The following SPMIP11 variants were observed in gnomAD, a reference collection of about 807,000 sequenced individuals.
SPMIP11 encodes the protein long intergenic non-protein coding RNA 935.
At chr12:48,753,000 A>G in the SPMIP11 span, among the ~76,000 whole-genome samples, 1 of 152,020 alleles carries the variant, frequency 6.6e-6, no homozygotes, top group Non-Finnish European at 1.5e-5. Context: ...TTCATACCTG[A>G]CACTCCTCTT....
chr12:48,729,210 G>T, the SPMIP11 span, among the ~76,000 whole-genome samples: 3 of 151,702 alleles, frequency 2.0e-5, 1 homozygote, highest in Non-Finnish European at 4.4e-5. Flanking sequence ...GACCATCCTG[G>T]CCAACATGGT....
the SPMIP11 span, among the ~76,000 whole-genome samples, chr12:48,733,510 C>A: frequency 6.6e-6 from 1 of 152,286 alleles, no homozygotes; most frequent in South Asian, 2.1e-4. Flanking sequence ...CCAAAGTAAA[C>A]AATTTACAAA....
chr12:48,759,689 G>A, the SPMIP11 span, among the ~76,000 whole-genome samples: 2 of 151,622 alleles, frequency 1.3e-5, no homozygotes, highest in Non-Finnish European at 2.9e-5. Flanking sequence ...AAAAAGAATG[G>A]CTGGGATGTG....
the SPMIP11 span, chr12:48,766,364 G>C: frequency 6.6e-6 from 1 of 152,660 alleles, no homozygotes; most frequent in Non-Finnish European, 1.5e-5. Flanking sequence ...GACAATGGTA[G>C]CCCAGGGGAA....
chr12:48,751,426 C>T, the SPMIP11 span, among the ~76,000 whole-genome samples: 1 of 152,008 alleles, frequency 6.6e-6, no homozygotes, highest in African/African-American at 2.4e-5. Flanking sequence ...CCAGCCTGGG[C>T]AATACAGTGG....
the SPMIP11 span, among the ~76,000 whole-genome samples, chr12:48,758,093 A>G: frequency 1.3e-5 from 2 of 152,152 alleles, no homozygotes; most frequent in East Asian, 1.9e-4. Flanking sequence ...GCTTGAGCCC[A>G]TAAGTTCAAG....
the SPMIP11 span, chr12:48,766,751 C>A: frequency 6.6e-6 from 1 of 152,604 alleles, no homozygotes; most frequent in African/African-American, 2.4e-5. Flanking sequence ...CCTGCCCCTT[C>A]CACTCCCAAA....
At chr12:48,760,968 T>C in the SPMIP11 span, among the ~76,000 whole-genome samples, 116 of 152,374 alleles carry the variant, frequency 7.6e-4, no homozygotes, top group African/African-American at 2.3e-3. Flanking sequence ...GCACAAGCTT[T>C]GGCATTTTAT....
At chr12:48,759,495 T>G in the SPMIP11 span, among the ~76,000 whole-genome samples, 1 of 152,048 alleles carries the variant, frequency 6.6e-6, no homozygotes, top group African/African-American at 2.4e-5. Context: ...AAGACCAGCC[T>G]GGCCAACATA....
the SPMIP11 span, chr12:48,769,090 G>A: frequency 2.4e-5 from 38 of 1,591,496 alleles, no homozygotes; most frequent in Middle Eastern, 3.3e-4. Context: ...CAAGAGACTA[G>A]TGGATGCTCC....
chr12:48,728,349 C>G, the SPMIP11 span, among the ~76,000 whole-genome samples: 2 of 152,252 alleles, frequency 1.3e-5, no homozygotes, highest in East Asian at 3.9e-4. Flanking sequence ...TGGGGGAATC[C>G]TTCAGAGAAG....
the SPMIP11 span, among the ~76,000 whole-genome samples, chr12:48,729,046 A>G: frequency 0.019 from 2,905 of 152,360 alleles, 99 homozygotes; most frequent in African/African-American, 0.066. Context: ...AGTTTGAATA[A>G]CTGTAAAACA....
At chr12:48,759,872 T>C in the SPMIP11 span, among the ~76,000 whole-genome samples, 12 of 152,188 alleles carry the variant, frequency 7.9e-5, no homozygotes, top group African/African-American at 2.9e-4. Context: ...AATGGGGCCA[T>C]CTCAGCTCAC....
At chr12:48,745,252 T>A in the SPMIP11 span, among the ~76,000 whole-genome samples, 1 of 149,952 alleles carries the variant, frequency 6.7e-6, no homozygotes, top group Non-Finnish European at 1.5e-5. Context: ...CACTCCAGCC[T>A]GGGGGGCAGT....
At chr12:48,770,638 G>T in the SPMIP11 span, 6 of 859,586 alleles carry the variant, frequency 7.0e-6, no homozygotes, top group Non-Finnish European at 1.1e-5. Flanking sequence ...CTTGATATAG[G>T]AGGTCAGAGG....
chr12:48,761,484 CG>C, the SPMIP11 span, among the ~76,000 whole-genome samples: 1 of 150,420 alleles, frequency 6.6e-6, no homozygotes, highest in East Asian at 2.0e-4. Flanking sequence ...TGGTGGTGCT[CG>C]CCTGCAGTCC....
chr12:48,766,458 G>C, the SPMIP11 span: 1 of 152,666 alleles, frequency 6.6e-6, no homozygotes, highest in Non-Finnish European at 1.5e-5. Context: ...AGCCACCCAA[G>C]GCTGAGGTCT....
the SPMIP11 span, among the ~76,000 whole-genome samples, chr12:48,733,624 C>T: frequency 6.6e-6 from 1 of 152,154 alleles, no homozygotes; most frequent in African/African-American, 2.4e-5. Flanking sequence ...TCACTATCCA[C>T]CTGTTACTGC....
At chr12:48,763,996 T>C in the SPMIP11 span, among the ~76,000 whole-genome samples, 5 of 150,698 alleles carry the variant, frequency 3.3e-5, no homozygotes, top group South Asian at 6.3e-4. Context: ...TTTTTTTTTT[T>C]TTTGAGATGG....
Sources: allele counts gnomAD v4.1 joint callset (sites outside exome capture counted in the v4.1 genomes callset), GRCh38; gene constraint gnomAD v4.1.1; transcripts MANE v1.5; gene names NCBI Gene and HGNC (gene_info 2026-07-23, HGNC 2026-07-21).